The following PATJ variants were observed in gnomAD, a reference collection of about 807,000 sequenced individuals.
PATJ encodes the protein inaD-like protein.
In PATJ, 190 loss-of-function variants were observed where a neutral mutation model predicts 224.9. The ratio of observed to expected loss-of-function variants is 0.84; its 90% confidence interval spans 0.75 to 0.95. The LOEUF is 0.95. Among genes scored for constraint, PATJ ranks in the 40% least tolerant of loss-of-function variants. The pLI, the probability that PATJ is intolerant of heterozygous loss-of-function variation, is 0.00. For synonymous variants in PATJ, 769 were observed against 820.3 expected, an observed-to-expected ratio of 0.94 and a Z score of 1.07; for missense variants, 2,121 against 2,270.3, an observed-to-expected ratio of 0.93 and a Z score of 1.34.
rs1199680387 is a variant in PATJ, at chr1:61,950,990, T to A, written c.3670+23161T>A. Among the ~76,000 whole-genome samples the A allele has an allele frequency of 2.6e-5, 4 of 152,100 alleles. No homozygotes were observed. The East Asian group carries it at 7.7e-4, about 29-fold the overall frequency. ...GGTGAAACCCCATCTCTACTAAAAA[T>A]ACAAAAATTAGCTGGGCCTGGTGGC... On this transcript the variant is annotated intron_variant, in intron 27 of 43. Coordinates refer to ENST00000642238, the MANE Select transcript of PATJ (RefSeq NM_001350145.3).
At chr1:61,921,669 T>C (rs546455412) in intron 26 of PATJ, among the ~76,000 whole-genome samples, 9 of 152,298 alleles carry the variant, frequency 5.9e-5, no homozygotes, top group Non-Finnish European at 1.2e-4. Flanking sequence ...TAAATCCTTA[T>C]CTCTCATTAA....
chr1:62,064,495 A>AT (rs149238981), intron 31 of PATJ, among the ~76,000 whole-genome samples: 4 of 151,676 alleles, frequency 2.6e-5, no homozygotes, highest in African/African-American at 4.8e-5. Flanking sequence ...GACCCAGCTA[A>AT]TTTTTTTTGT....
Position 61,742,562 on chromosome 1 carries a change from C to G in PATJ, c.-36+7C>G, listed in dbSNP as rs1391114423. The G allele has an allele frequency of 6.6e-6, 1 of 152,452 alleles. No individual in the cohort carries two copies. Among genetic ancestry groups the G allele is most frequent in the Non-Finnish European group, 1.5e-5 (1 of 68,298 alleles). The allele number at this position is 152,452 out of a possible 1,614,324, so 9.4% of individuals were successfully genotyped here. A position where few individuals can be genotyped will look rare whatever the true frequency, so the allele number is the denominator to read the frequency against. ...TGCTCCTCCAGCGCACCAGGTAAAG[C>G]GTGAGGTCCCGGCTGTGCAGTGCGC... On this transcript the variant is annotated splice_region_variant and intron_variant, in intron 1 of 43. Transcript: ENST00000642238.
intron 27 of PATJ, among the ~76,000 whole-genome samples, chr1:61,972,804 G>A (rs1683159265): frequency 6.6e-6 from 1 of 152,012 alleles, no homozygotes; most frequent in African/African-American, 2.4e-5. Context: ...TAATTTTCAG[G>A]AGGTCAACAG....
At position 61,775,006 on chromosome 1, in the gene PATJ, A is replaced by T. The variant is rs553348178; in HGVS notation, c.721-200A>T. On this transcript the variant is annotated intron_variant, in intron 6 of 43. Coordinates refer to ENST00000642238, the MANE Select transcript of PATJ (RefSeq NM_001350145.3). ...ATTATTTGTGTTTTAGTTTCTCTCT[A>T]CTGGATTATAAGATCCCTACGGTCA... 2.5e-3 allele frequency among the ~76,000 whole-genome samples: 386 copies of T among 152,240 alleles called. No individual in the cohort carries two copies. Among genetic ancestry groups the T allele is most frequent in the Non-Finnish European group, 3.9e-3 (263 of 68,024 alleles).
chr1:61,911,686 T>TATATG (rs1368096245), intron 25 of PATJ, among the ~76,000 whole-genome samples: 1 of 121,356 alleles, frequency 8.2e-6, no homozygotes, highest in Non-Finnish European at 1.5e-5. Context: ...TTCCATCATC[T>TATATG]ATATATTTTT....
chr1:62,014,291 A>G (rs1266906104), intron 28 of PATJ, among the ~76,000 whole-genome samples: 1 of 151,900 alleles, frequency 6.6e-6, no homozygotes, highest in African/African-American at 2.4e-5. Context: ...AGACTCCTCA[A>G]GTGATCCTCC....
chr1:61,771,514 T>G lies in PATJ; in HGVS notation c.608T>G (p.Ile203Ser), dbSNP rs377253646. The G allele has an allele frequency of 2.5e-6, 4 of 1,613,026 alleles. No homozygotes were observed. The East Asian group carries it at 8.9e-5, about 36-fold the overall frequency. The stretch of plus-strand genomic sequence containing the variant: ...CAGAACATTTCCCATCAGCAAGCAA[T>G]TGCATTATTACAACAAACCACTGGA... The part of the protein sequence containing the change: ...LDQNISHQQA[I>S]ALLQQTTGSL... The change falls in exon 6 of 44, where the codon ATT becomes AGT. Residue 203 changes from isoleucine (I) to serine (S), a missense_variant. Coordinates refer to ENST00000642238, the MANE Select transcript of PATJ (RefSeq NM_001350145.3).
chr1:61,980,690 G>A (rs1644406037), intron 27 of PATJ, among the ~76,000 whole-genome samples: 1 of 151,868 alleles, frequency 6.6e-6, no homozygotes, highest in African/African-American at 2.4e-5. Context: ...TCACCCCATT[G>A]GTTGCTGTGG....
At chr1:61,794,118 T>C (rs1181711621) in intron 9 of PATJ, among the ~76,000 whole-genome samples, 1 of 152,050 alleles carries the variant, frequency 6.6e-6, no homozygotes, top group Non-Finnish European at 1.5e-5. Flanking sequence ...GCCAGGCTGG[T>C]CTTGAACTCC....
chr1:61,778,004 G>C (rs138419607), intron 7 of PATJ, among the ~76,000 whole-genome samples: 4 of 151,856 alleles, frequency 2.6e-5, no homozygotes, highest in African/African-American at 7.3e-5. Context: ...CTCAGCTTCT[G>C]GGGGAGCTGA....
chr1:61,767,431 T>C (rs1477602240), intron 4 of PATJ, among the ~76,000 whole-genome samples: 1 of 151,946 alleles, frequency 6.6e-6, no homozygotes, highest in African/African-American at 2.4e-5. Context: ...TCCAGGTACC[T>C]AGGAGGCTGA....
At chr1:61,935,284 A>G (rs1289553859) in intron 27 of PATJ, among the ~76,000 whole-genome samples, 1 of 152,196 alleles carries the variant, frequency 6.6e-6, no homozygotes, top group Non-Finnish European at 1.5e-5. Context: ...GACCTAGCAG[A>G]GATATGAATG....
rs1489044480 is a variant in PATJ, at chr1:61,914,674, A to G, written c.3570+10A>G. On this transcript the variant is annotated intron_variant, in intron 26 of 43. Coordinates refer to ENST00000642238, the MANE Select transcript of PATJ (RefSeq NM_001350145.3). ...AGAAAAGAAAGAAAAGGTAACTTGAACCTCTCAAGGATTTAAAAAATGTTT... is the reference window on the plus strand; with the variant it reads ...AGAAAAGAAAGAAAAGGTAACTTGAGCCTCTCAAGGATTTAAAAAATGTTT... 5.3e-6 allele frequency: 8 copies of G among 1,507,764 alleles called. No homozygotes were observed. Among genetic ancestry groups the G allele is most frequent in the Non-Finnish European group, 7.3e-6 (8 of 1,090,064 alleles). 93.4% of individuals were successfully genotyped at this position (1,507,764 alleles called of 1,614,324 possible).
Position 62,086,909 on chromosome 1 carries a change from G to T in PATJ, c.4377+2261G>T, listed in dbSNP as rs906182508. Among the ~76,000 whole-genome samples the T allele has an allele frequency of 4.6e-5, 7 of 152,146 alleles. No homozygotes were observed. The highest frequency in any genetic ancestry group is 8.8e-5 in the Non-Finnish European group (6 of 68,024). ...GTCCCCTCGGCCAGACCAGGTAGGG[G>T]TGCCTGCGACCCCTGAAGCCCCAGA... is the stretch of plus-strand genomic sequence containing the variant. On this transcript the variant is annotated intron_variant, in intron 33 of 43. Transcript: ENST00000642238. The surrounding 1 kb of genome is among the most constrained non-coding windows in gnomAD (Gnocchi z 4.0).
At chr1:61,871,149 GA>G (rs1160063772) in intron 20 of PATJ, among the ~76,000 whole-genome samples, 16 of 115,778 alleles carry the variant, frequency 1.4e-4, no homozygotes, top group East Asian at 2.8e-4. Context: ...TCTCTTTTTA[GA>G]AAAAAAAACT....
intron 28 of PATJ, among the ~76,000 whole-genome samples, chr1:62,016,583 G>C (rs1646779841): frequency 1.3e-5 from 2 of 152,320 alleles, no homozygotes; most frequent in South Asian, 4.1e-4. Context: ...AATAAAATAA[G>C]AGAGTTTCCA....
At chr1:62,056,212 A>C (rs1344973985) in intron 31 of PATJ, among the ~76,000 whole-genome samples, 4 of 152,180 alleles carry the variant, frequency 2.6e-5, no homozygotes, top group Admixed American at 2.0e-4. Flanking sequence ...AGCTAGCTAG[A>C]TATCCCTTAA....
chr1:61,871,457 G>A (rs75189032), intron 20 of PATJ, among the ~76,000 whole-genome samples: 134 of 12,440 alleles, frequency 0.011, 1 homozygote, highest in African/African-American at 0.037. Flanking sequence ...ATATATATGC[G>A]TATATATATG....
Sources: allele counts gnomAD v4.1 joint callset (sites outside exome capture counted in the v4.1 genomes callset), GRCh38; gene constraint gnomAD v4.1.1; non-coding constraint Gnocchi (gnomAD v3.1); transcripts MANE v1.5; gene names NCBI Gene and HGNC (gene_info 2026-07-23, HGNC 2026-07-21).